CACNA1D: variants seen among roughly 807,000 people sequenced by gnomAD.
CACNA1D encodes the protein calcium voltage-gated channel subunit alpha1 D.
A neutral mutation model predicts 257.1 loss-of-function variants in CACNA1D; 55 were observed. The ratio of observed to expected loss-of-function variants is 0.21; its 90% CI spans 0.17 to 0.27. The LOEUF (loss-of-function observed/expected upper bound fraction) is 0.27. Among genes scored for constraint, CACNA1D ranks in the 10% least tolerant of loss-of-function variants. The pLI, the probability that CACNA1D is intolerant of heterozygous loss-of-function variation, is 1.00. For missense variants in CACNA1D, 1,876 were observed against 2,784.0 expected (o/e 0.67, Z 7.34); for synonymous variants, 980 against 1,014.9 (o/e 0.97, Z 0.65).
chr3:53,553,788 A>G (rs2107597456), intron 3 of CACNA1D, among the ~76,000 whole-genome samples: 1 of 151,872 alleles, frequency 6.6e-6, no homozygotes, highest in East Asian at 1.9e-4. Context: ...CAGTCTTTGC[A>G]TTGGAAGAGA....
chr3:53,578,775 A>G lies in CACNA1D; in HGVS notation c.484-72004A>G, dbSNP rs987069906. Among the ~76,000 whole-genome samples, 11 of 152,298 alleles carry G rather than the reference A, an allele frequency of 7.2e-5. No individual in the cohort carries two copies. The South Asian group carries it at 1.5e-3, about 20-fold the overall frequency. On this transcript the variant is annotated intron_variant, in intron 3 of 47. Coordinates refer to ENST00000350061, the MANE Select transcript of CACNA1D (RefSeq NM_001128840.3). ...TGCCCAGGGCCCCATGCTCAGCTTA[A>G]TGCTATGGTATTGTCTTCTTGAAAT...
At chr3:53,675,689 G>T (rs1027091503) in intron 8 of CACNA1D, among the ~76,000 whole-genome samples, 4 of 152,128 alleles carry the variant, frequency 2.6e-5, no homozygotes, top group Non-Finnish European at 5.9e-5. Flanking sequence ...AAAGCTGGAG[G>T]ATAAAAAAGG....
intron 3 of CACNA1D, among the ~76,000 whole-genome samples, chr3:53,580,197 A>G (rs1320800960): frequency 6.6e-6 from 1 of 152,192 alleles, no homozygotes; most frequent in Non-Finnish European, 1.5e-5. Context: ...GGAGTTGTGG[A>G]GGAATACATG....
chr3:53,595,592 G>A (rs1222743335), intron 3 of CACNA1D, among the ~76,000 whole-genome samples: 1 of 152,120 alleles, frequency 6.6e-6, no homozygotes, highest in Non-Finnish European at 1.5e-5. Flanking sequence ...ACTCACCAGA[G>A]TCTACCGACT....
chr3:53,518,808 T>A (rs1251168834), intron 3 of CACNA1D, among the ~76,000 whole-genome samples: 3 of 152,208 alleles, frequency 2.0e-5, no homozygotes, highest in Non-Finnish European at 2.9e-5. Flanking sequence ...TCTGAAGGTC[T>A]TACGTTGAGG....
chr3:53,632,148 T>C (rs1427632294), intron 3 of CACNA1D, among the ~76,000 whole-genome samples: 1 of 152,246 alleles, frequency 6.6e-6, no homozygotes, highest in African/African-American at 2.4e-5. Context: ...AAGGCTGTTT[T>C]GTCTACATGA....
chr3:53,637,480 A>C (rs2108170147), intron 3 of CACNA1D, among the ~76,000 whole-genome samples: 1 of 152,312 alleles, frequency 6.6e-6, no homozygotes, highest in East Asian at 1.9e-4. Flanking sequence ...TAAAACATAA[A>C]ATTTACTTTC....
At chr3:53,643,045 C>G (rs988150484) in intron 3 of CACNA1D, among the ~76,000 whole-genome samples, 2 of 152,152 alleles carry the variant, frequency 1.3e-5, no homozygotes, top group African/African-American at 4.8e-5. Flanking sequence ...GATGAAAGAA[C>G]TGGGAATCAG....
At chr3:53,585,579 A>T (rs2093201053) in intron 3 of CACNA1D, among the ~76,000 whole-genome samples, 3 of 151,966 alleles carry the variant, frequency 2.0e-5, no homozygotes, top group African/African-American at 7.3e-5. Flanking sequence ...GTGTCACATG[A>T]ATTGAACACC....
chr3:53,735,526 G>A (rs759153639), intron 20 of CACNA1D, 23 bp downstream of exon 20: 22 of 1,612,926 alleles, frequency 1.4e-5, no homozygotes, highest in African/African-American at 2.7e-5. Context: ...GGTGGGGCTC[G>A]CTCTGGGATA....
At chr3:53,606,092 C>A (rs1253547593) in intron 3 of CACNA1D, among the ~76,000 whole-genome samples, 2 of 152,246 alleles carry the variant, frequency 1.3e-5, no homozygotes, top group Non-Finnish European at 2.9e-5. Flanking sequence ...AAACCATCAA[C>A]TGTGTCAACA....
In CACNA1D at chr3:53,496,351, T is replaced by A. The variant is rs572941638; in HGVS notation, c.68-801T>A. Among the ~76,000 whole-genome samples, 5 of 152,318 alleles carry A rather than the reference T, an allele frequency of 3.3e-5. No individual in the cohort carries two copies. In the South Asian group the frequency reaches 1.0e-3, roughly 32 times the overall value. On this transcript the variant is annotated intron_variant, in intron 1 of 47. Coordinates refer to ENST00000350061, the MANE Select transcript of CACNA1D (RefSeq NM_001128840.3). ...CAACCTACACGGAGATAATTCCCTC[T>A]TAGGCCTGGAGGCCCCTGGCATAAT...
At chr3:53,552,071 G>A (rs150551565) in intron 3 of CACNA1D, among the ~76,000 whole-genome samples, 1 of 152,202 alleles carries the variant, frequency 6.6e-6, no homozygotes, top group African/African-American at 2.4e-5. Flanking sequence ...CTCTGGGGGT[G>A]GATCCCACTT....
At chr3:53,584,863 T>C in intron 3 of CACNA1D, among the ~76,000 whole-genome samples, 1 of 152,094 alleles carries the variant, frequency 6.6e-6, no homozygotes, top group East Asian at 1.9e-4. Context: ...TTAGAGTCTT[T>C]TGGTTCTGAT....
intron 3 of CACNA1D, among the ~76,000 whole-genome samples, chr3:53,617,253 T>C (rs538926595): frequency 2.0e-5 from 3 of 152,236 alleles, no homozygotes; most frequent in African/African-American, 7.2e-5. Flanking sequence ...TCCTCTCCAC[T>C]GTCTCCCCCA....
rs114373447 is a variant in CACNA1D at position 53,702,943 on chromosome 3, C to T, written c.1390+133C>T. The T allele has an allele frequency of 4.6e-3, 4,199 of 906,130 alleles. 18 individuals are homozygous for T. Among genetic ancestry groups the T allele is most frequent in the Non-Finnish European group, 6.0e-3 (3,348 of 560,770 alleles). 56.1% of individuals were successfully genotyped at this position (906,130 alleles called of 1,614,324 possible). ...CCTCCCAGCCATCTGGTCCCTTCTG[C>T]CTGCACACATCACGGAGAGAACAGG... is the stretch of plus-strand genomic sequence containing the variant. On this transcript the variant is annotated intron_variant, in intron 9 of 47. Transcript: ENST00000350061.
intron 7 of CACNA1D, among the ~76,000 whole-genome samples, chr3:53,668,159 C>A (rs1455808516): frequency 1.3e-5 from 2 of 152,062 alleles, no homozygotes; most frequent in African/African-American, 4.8e-5. Flanking sequence ...TTTTAAAAAT[C>A]AAAATCTGTG....
intron 4 of CACNA1D, among the ~76,000 whole-genome samples, chr3:53,658,760 T>C (rs1368073147): frequency 6.6e-6 from 1 of 152,248 alleles, no homozygotes; most frequent in Non-Finnish European, 1.5e-5. Context: ...GAGAGAAGCC[T>C]GTCATAAATT....
chr3:53,800,162 T>C lies in CACNA1D; in HGVS notation c.4924-87T>C. The C allele has an allele frequency of 1.1e-6, 1 of 942,026 alleles. No individual in the cohort carries two copies. The highest frequency in any genetic ancestry group is 2.4e-5 in the East Asian group (1 of 41,894). The allele number at this position is 942,026 out of a possible 1,614,324, so 58.4% of individuals were successfully genotyped here. A position where few individuals can be genotyped will look rare whatever the true frequency, so the allele number is the denominator to read the frequency against. On this transcript the variant is annotated intron_variant, in intron 40 of 47. Transcript: ENST00000350061. This position sits in a 1 kb window ranked among gnomAD's most constrained non-coding sequence, Gnocchi z 4.3. ...TTGGGGAAGCCTTCCTCCCCACCGC[T>C]GAATCAGGAAGGAGCAAAGCCAGGA...
Sources: allele counts gnomAD v4.1 joint callset (sites outside exome capture counted in the v4.1 genomes callset), GRCh38; gene constraint gnomAD v4.1.1; non-coding constraint Gnocchi (gnomAD v3.1); transcripts MANE v1.5; gene names NCBI Gene and HGNC (gene_info 2026-07-23, HGNC 2026-07-21).